HECW1: variants seen among roughly 807,000 people sequenced by gnomAD.
HECW1 encodes the protein HECT, C2 and WW domain containing E3 ubiquitin protein ligase 1.
In HECW1, 61 loss-of-function variants were observed where a neutral mutation model predicts 182.3. The ratio of observed to expected loss-of-function variants is 0.33; its 90% confidence interval spans 0.27 to 0.41. The LOEUF (loss-of-function observed/expected upper bound fraction) is 0.41. HECW1 is among the 10% of genes least tolerant of loss of function. The probability of loss-of-function intolerance (pLI) is 1.00; values close to 1 mark genes in which losing one functional copy is unlikely to be tolerated. For missense variants in HECW1, 1,739 were observed against 2,108.9 expected (o/e 0.82, Z 3.44); for synonymous variants, 859 against 832.6 (o/e 1.03, Z -0.55).
chr7:43,373,829 C>T (rs927557977), intron 6 of HECW1, among the ~76,000 whole-genome samples: 5 of 152,170 alleles, frequency 3.3e-5, no homozygotes, highest in Non-Finnish European at 7.3e-5. Flanking sequence ...AGCCACCATC[C>T]TACTTCCTGT....
chr7:43,372,326 C>G lies in HECW1; in HGVS notation c.555+11346C>G, dbSNP rs372646031. Among the ~76,000 whole-genome samples the G allele has an allele frequency of 3.9e-5, 6 of 151,960 alleles. No individual in the cohort carries two copies. The East Asian group carries it at 5.8e-4, about 15-fold the overall frequency. ...TCATTCTGTGCCTTTTCTTTTTTAC[C>G]TGTTTATATTTACTAACAAAGGGTT... On this transcript the variant is annotated intron_variant, in intron 6 of 29. Transcript: ENST00000395891.
chr7:43,266,820 A>C (rs1231382263), intron 3 of HECW1, among the ~76,000 whole-genome samples: 1 of 152,370 alleles, frequency 6.6e-6, no homozygotes, highest in Admixed American at 6.5e-5. Flanking sequence ...TAAAAGAGAC[A>C]CGCAAAAGGA....
At chr7:43,210,520 GT>G (rs1213972819) in intron 2 of HECW1, among the ~76,000 whole-genome samples, 3 of 151,760 alleles carry the variant, frequency 2.0e-5, no homozygotes, top group Admixed American at 6.6e-5. Context: ...TCCCAAGATG[GT>G]GTTGGGCCAC....
intron 16 of HECW1, among the ~76,000 whole-genome samples, chr7:43,474,794 G>A (rs2078160095): frequency 6.6e-6 from 1 of 152,160 alleles, no homozygotes; most frequent in African/African-American, 2.4e-5. Flanking sequence ...GCAATGAAAT[G>A]TTTGTCCTTA....
At chr7:43,315,967 G>T (rs1400838959) in intron 4 of HECW1, among the ~76,000 whole-genome samples, 1 of 152,128 alleles carries the variant, frequency 6.6e-6, no homozygotes, top group Non-Finnish European at 1.5e-5. Context: ...CTTTTAATCA[G>T]TTATGGGCTC....
At chr7:43,310,904 G>A (rs1002087129) in intron 3 of HECW1, among the ~76,000 whole-genome samples, 2 of 152,044 alleles carry the variant, frequency 1.3e-5, no homozygotes, top group African/African-American at 2.4e-5. Flanking sequence ...TCATTTAAAC[G>A]CAATTTTAAT....
chr7:43,281,135 G>T (rs1055075315), intron 3 of HECW1, among the ~76,000 whole-genome samples: 2 of 151,964 alleles, frequency 1.3e-5, no homozygotes, highest in African/African-American at 2.4e-5. Context: ...CCTCACCTCC[G>T]CCCACCCAAG....
intron 8 of HECW1, among the ~76,000 whole-genome samples, chr7:43,414,108 G>C (rs1265539397): frequency 2.0e-5 from 3 of 151,708 alleles, no homozygotes; most frequent in African/African-American, 7.3e-5. Flanking sequence ...TCTTCCATTT[G>C]TTTGTATCCT....
intron 3 of HECW1, among the ~76,000 whole-genome samples, chr7:43,300,203 C>A (rs554141468): frequency 2.6e-5 from 4 of 152,354 alleles, no homozygotes; most frequent in African/African-American, 9.6e-5. Flanking sequence ...ATTGCCAGTT[C>A]TTCCTTATTT....
At chr7:43,190,968 A>G (rs1044417471) in intron 2 of HECW1, among the ~76,000 whole-genome samples, 2 of 152,192 alleles carry the variant, frequency 1.3e-5, no homozygotes, top group African/African-American at 4.8e-5. Context: ...CCCTTCCATA[A>G]GCTGTGTAGG....
intron 2 of HECW1, among the ~76,000 whole-genome samples, chr7:43,170,669 A>C (rs1664975258): frequency 6.6e-6 from 1 of 152,216 alleles, no homozygotes; most frequent in Non-Finnish European, 1.5e-5. Context: ...ATGTATTAAC[A>C]GAAAGCAAAT....
In HECW1 at chr7:43,468,998, G is replaced by A. The variant is rs773668081; in HGVS notation, c.2992G>A (p.Glu998Lys). 1.2e-6 allele frequency: 2 copies of A among 1,614,192 alleles called. No individual in the cohort carries two copies. Among genetic ancestry groups the A allele is most frequent in the East Asian group, 4.5e-5 (2 of 44,876 alleles). ...LKVRRDARNF[E>K]RYQHNRDLVN... ...AGTCCGACGGGATGCTCGCAATTTTGAACGCTACCAGCACAACCGGGACTT... is the reference window on the plus strand; with the variant it reads ...AGTCCGACGGGATGCTCGCAATTTTAAACGCTACCAGCACAACCGGGACTT... Residue 998 changes from glutamate (E) to lysine (K), a missense_variant, in exon 16 of 30, where the codon GAA becomes AAA. Glu to Lys is a moderately conservative substitution (Grantham distance 56, BLOSUM62 1). This residue lies in a region of HECW1 where 971 missense variants were observed against 1,029.1 expected (regional missense o/e 0.94). Coordinates refer to ENST00000395891, the MANE Select transcript of HECW1 (RefSeq NM_015052.5).
intron 10 of HECW1, among the ~76,000 whole-genome samples, chr7:43,443,253 T>C (rs1387098992): frequency 2.0e-5 from 3 of 152,226 alleles, no homozygotes; most frequent in Non-Finnish European, 4.4e-5. Context: ...TGTTAGGACC[T>C]CCTGGACCAT....
chr7:43,195,849 T>C lies in HECW1; in HGVS notation c.-31-48026T>C, dbSNP rs572820693. The stretch of plus-strand genomic sequence containing the variant: ...ACTCATGAAAATTCCTGGAAGAAGG[T>C]AGAAATTTCTCAGAACTGTGGTGCC... On this transcript the variant is annotated intron_variant, in intron 2 of 29. Transcript: ENST00000395891. Among the ~76,000 whole-genome samples the C allele has an allele frequency of 2.8e-4, 42 of 152,262 alleles. No homozygotes were observed. In the South Asian group the frequency reaches 7.7e-3, roughly 28 times the overall value.
chr7:43,368,290 A>G (rs144039030), intron 6 of HECW1, among the ~76,000 whole-genome samples: 1,548 of 152,324 alleles, frequency 0.01, 12 homozygotes, highest in Non-Finnish European at 0.017. Context: ...CAGGCCCAGA[A>G]CATGATGCAG....
At chr7:43,235,458 C>G (rs1213555106) in intron 2 of HECW1, among the ~76,000 whole-genome samples, 1 of 152,060 alleles carries the variant, frequency 6.6e-6, no homozygotes, top group South Asian at 2.1e-4. Flanking sequence ...CATCCTTGGC[C>G]CAAGCCTATG....
chr7:43,161,222 A>G (rs952593592), intron 2 of HECW1, among the ~76,000 whole-genome samples: 3 of 152,136 alleles, frequency 2.0e-5, no homozygotes, highest in Non-Finnish European at 4.4e-5. Flanking sequence ...ATTGGTTTCT[A>G]TGACATGGTT....
chr7:43,528,549 G>A lies in HECW1; in HGVS notation c.4020-12614G>A, dbSNP rs147000661. On this transcript the variant is annotated intron_variant, in intron 24 of 29. Transcript: ENST00000395891. ...AACTGGTTTTTCATTGAATTGAAGA[G>A]CAATACTAAGTATGTTATTTGCCAT... 1.2e-3 allele frequency among the ~76,000 whole-genome samples: 188 copies of A among 152,310 alleles called. 5 individuals are homozygous for A. The East Asian group carries it at 0.031, about 25-fold the overall frequency.
intron 7 of HECW1, among the ~76,000 whole-genome samples, chr7:43,402,061 A>T (rs1475059547): frequency 1.3e-5 from 2 of 151,802 alleles, no homozygotes; most frequent in East Asian, 3.9e-4. Context: ...TCATCTTCCC[A>T]CTCCATCCTC....
Sources: allele counts gnomAD v4.1 joint callset (sites outside exome capture counted in the v4.1 genomes callset), GRCh38; gene constraint gnomAD v4.1.1; regional missense constraint gnomAD v4.1.1; transcripts MANE v1.5; gene names NCBI Gene and HGNC (gene_info 2026-07-23, HGNC 2026-07-21).